The following SFXN5 variants were observed in gnomAD, a reference collection of about 807,000 sequenced individuals.
SFXN5 encodes sideroflexin 5.
In SFXN5, 43 loss-of-function variants were observed where a neutral mutation model predicts 50.2. The ratio of observed to expected loss-of-function variants is 0.86; its 90% confidence interval spans 0.67 to 1.11. The LOEUF (loss-of-function observed/expected upper bound fraction) is 1.11. Ranked by LOEUF, SFXN5 falls within the 50% of genes least tolerant of loss-of-function variation. The probability of loss-of-function intolerance (pLI) is 0.00; values close to 1 mark genes in which losing one functional copy is unlikely to be tolerated. For missense variants in SFXN5, 463 were observed against 454.1 expected (o/e 1.02, Z -0.18); for synonymous variants, 203 against 185.8 (o/e 1.09, Z -0.75).
At chr2:73,009,865 A>G (rs1335746693) in intron 6 of SFXN5, among the ~76,000 whole-genome samples, 1 of 152,150 alleles carries the variant, frequency 6.6e-6, no homozygotes, top group Non-Finnish European at 1.5e-5. Flanking sequence ...AGAGAGTGGA[A>G]ACGTATGGGG....
At chr2:72,996,061 G>T (rs1162425014) in intron 9 of SFXN5, among the ~76,000 whole-genome samples, 1 of 152,174 alleles carries the variant, frequency 6.6e-6, no homozygotes, top group East Asian at 1.9e-4. Context: ...AAGCCATGGT[G>T]CCCGTCCCTG....
Position 73,000,491 on chromosome 2 carries a change from A to G in SFXN5, c.412-4T>C, listed in dbSNP as rs1228673427. 7 of 1,557,568 alleles carry G rather than the reference A, an allele frequency of 4.5e-6. No individual in the cohort carries two copies. In the African/African-American group the frequency reaches 6.8e-5, roughly 15 times the overall value. On this transcript the variant is annotated splice_region_variant and splice_polypyrimidine_tract_variant and intron_variant, in intron 7 of 13. Transcript: ENST00000272433. ...CATTGTGGCTCTGGTTCAGCCACTG[A>G]AAGGCAATGATGAGAGAAGTCAGGG...
At chr2:73,062,223 G>A (rs1682862509) in intron 1 of SFXN5, among the ~76,000 whole-genome samples, 1 of 152,138 alleles carries the variant, frequency 6.6e-6, no homozygotes, top group Non-Finnish European at 1.5e-5. Flanking sequence ...ATCCTCCCTG[G>A]CTCGAAGTCT....
intron 1 of SFXN5, 101 bp downstream of exon 1, chr2:73,071,503 C>G (rs936291522): frequency 4.5e-6 from 5 of 1,108,394 alleles, no homozygotes; most frequent in Non-Finnish European, 6.4e-6. Flanking sequence ...GCTCCGCTGG[C>G]CGCGGGTGGG....
intron 6 of SFXN5, among the ~76,000 whole-genome samples, chr2:73,010,736 C>A (rs1347598720): frequency 6.6e-6 from 1 of 152,182 alleles, no homozygotes; most frequent in Non-Finnish European, 1.5e-5. Flanking sequence ...CAAAAGAACA[C>A]ATTTTTTAAA....
chr2:72,969,971 C>T (rs1316346144), intron 11 of SFXN5, among the ~76,000 whole-genome samples: 4 of 152,118 alleles, frequency 2.6e-5, no homozygotes, highest in East Asian at 1.9e-4. Flanking sequence ...TTTAGCCCCA[C>T]GAGCTTCAGC....
rs111374830 is a variant in SFXN5, at chr2:72,960,389, C to T, written c.945+742G>A. On this transcript the variant is annotated intron_variant, in intron 13 of 13. Coordinates refer to ENST00000272433, the MANE Select transcript of SFXN5 (RefSeq NM_144579.3). This position sits in a 1 kb window ranked among gnomAD's most constrained non-coding sequence, Gnocchi z 6.1. ...CCACATACAGCTCTTCATCGAATCC[C>T]GAAGAAGCCGCCTCCTGACTCCCTC... Among the ~76,000 whole-genome samples the T allele has an allele frequency of 0.028, 4,211 of 152,154 alleles. 188 individuals are homozygous for T. Among genetic ancestry groups the T allele is most frequent in the African/African-American group, 0.097 (4,010 of 41,468 alleles).
chr2:73,046,414 A>T (rs1303448497), intron 2 of SFXN5, among the ~76,000 whole-genome samples: 1 of 151,992 alleles, frequency 6.6e-6, no homozygotes, highest in Admixed American at 6.6e-5. Flanking sequence ...ATCTCAAAAA[A>T]AAAAAAAAAA....
chr2:73,071,643 A>T lies in SFXN5; in HGVS notation c.63T>A (p.Asp21Glu), dbSNP rs778702736. 3.7e-6 allele frequency: 6 copies of T among 1,613,790 alleles called. No homozygotes were observed. The highest frequency in any genetic ancestry group is 5.1e-6 in the Non-Finnish European group (6 of 1,179,920). ...GTTTGCCCAGTTGGAAAGGAGGTGC[A>T]TCGCTCGAGGCGCTAGCGGCACTAG... ...AAASAASASS[D>E]APPFQLGKPR... Residue 21 changes from aspartate to glutamate, a missense_variant, in exon 1 of 14, where the codon GAT (aspartate) becomes GAA (glutamate). Asp to Glu is a conservative substitution (Grantham distance 45). Coordinates refer to ENST00000272433, the MANE Select transcript of SFXN5 (RefSeq NM_144579.3).
At chr2:72,991,666 G>A (rs1367552989) in intron 9 of SFXN5, among the ~76,000 whole-genome samples, 1 of 152,230 alleles carries the variant, frequency 6.6e-6, no homozygotes, top group Non-Finnish European at 1.5e-5. Flanking sequence ...CGTCTGTTCT[G>A]GTTCCTCAGG....
rs370748524 is a variant in SFXN5 at position 73,007,949 on chromosome 2, C to T, written c.358-6371G>A. On this transcript the variant is annotated intron_variant, in intron 6 of 13. Transcript: ENST00000272433. ...TCTAGCTTCACTGGAGCGACACCTC[C>T]TGTGTGGTGAGCTAGGTCAACATGG... Among the ~76,000 whole-genome samples the T allele has an allele frequency of 3.5e-4, 53 of 152,336 alleles. No homozygotes were observed. The East Asian group carries it at 9.6e-3, about 28-fold the overall frequency.
At chr2:73,063,074 G>A (rs1405661154) in intron 1 of SFXN5, among the ~76,000 whole-genome samples, 1 of 152,210 alleles carries the variant, frequency 6.6e-6, no homozygotes, top group Non-Finnish European at 1.5e-5. Flanking sequence ...TTTCTAGTGA[G>A]ACATGAATGT....
In SFXN5 at chr2:72,944,886, G is replaced by A. The variant is rs1175283321; in HGVS notation, c.*136C>T. On this transcript the variant is annotated 3_prime_UTR_variant, in exon 14 of 14. Coordinates refer to ENST00000272433, the MANE Select transcript of SFXN5 (RefSeq NM_144579.3). ...AATGGGTCAGTCTCCCTCCACTGTA[G>A]GTTGAGCACTCTCCCAGGGGGCCCA... is the stretch of plus-strand genomic sequence containing the variant. 8.6e-6 allele frequency: 6 copies of A among 694,616 alleles called. No homozygotes were observed. The East Asian group carries it at 1.1e-4, about 13-fold the overall frequency. The allele number at this position is 694,616 out of a possible 1,614,324, so 43.0% of individuals were successfully genotyped here.
At chr2:73,009,072 C>T (rs191557617) in intron 6 of SFXN5, among the ~76,000 whole-genome samples, 43 of 152,328 alleles carry the variant, frequency 2.8e-4, no homozygotes, top group Admixed American at 2.0e-3. Context: ...CAGCCTTACT[C>T]GCCCCTTCCC....
intron 6 of SFXN5, among the ~76,000 whole-genome samples, chr2:73,004,894 TA>T (rs1463782144): frequency 6.6e-6 from 1 of 152,168 alleles, no homozygotes; most frequent in African/African-American, 2.4e-5. Context: ...AAGTCTAAAT[TA>T]AAAATAAATG....
Position 72,971,607 on chromosome 2 carries a change from C to T in SFXN5, c.704G>A (p.Gly235Asp). 6.2e-7 allele frequency: 1 copy of T among 1,613,990 alleles called. No individual in the cohort carries two copies. Among genetic ancestry groups the T allele is most frequent in the Non-Finnish European group, 8.5e-7 (1 of 1,179,944 alleles). ...GATCTTGGAGGAGCCCACGAGGTTG[C>T]CATCGCTGTCCAGGACATCAATCCC... ...EEGIDVLDSD[G>D]NLVGSSKIAA... Residue 235 changes from glycine (G) to aspartate (D), a missense_variant, in exon 11 of 14, where the codon GGC becomes GAC. By Grantham distance (94) the Gly-to-Asp change is moderately conservative. Coordinates refer to ENST00000272433, the MANE Select transcript of SFXN5 (RefSeq NM_144579.3).
chr2:73,011,130 T>C lies in SFXN5; in HGVS notation c.357+9109A>G, dbSNP rs570575687. ...GTGCAGTGGCACAATCAAAACTCAC[T>C]GAAGCCTCAAACTCCTCAGCTCAAG... On this transcript the variant is annotated intron_variant, in intron 6 of 13. Coordinates refer to ENST00000272433, the MANE Select transcript of SFXN5 (RefSeq NM_144579.3). Among the ~76,000 whole-genome samples, 5 of 152,358 alleles carry C rather than the reference T, an allele frequency of 3.3e-5. No homozygotes were observed. The South Asian group carries it at 8.3e-4, about 25-fold the overall frequency.
intron 13 of SFXN5, among the ~76,000 whole-genome samples, chr2:72,955,737 A>G (rs1673021185): frequency 6.6e-6 from 1 of 152,216 alleles, no homozygotes; most frequent in Non-Finnish European, 1.5e-5. Context: ...GACCCTGCAC[A>G]TCTCCCTCAG....
At chr2:73,003,439 C>T (rs1674191381) in intron 6 of SFXN5, among the ~76,000 whole-genome samples, 1 of 152,220 alleles carries the variant, frequency 6.6e-6, no homozygotes, top group Non-Finnish European at 1.5e-5. Context: ...CTGCCCGTGA[C>T]ACCACAGGGT....
Sources: gnomAD v4.1 joint callset for allele counts (sites outside exome capture counted in the v4.1 genomes callset) on GRCh38, gnomAD v4.1.1 for gene constraint, Gnocchi (gnomAD v3.1) non-coding constraint, MANE v1.5 for transcripts, NCBI Gene and HGNC (gene_info 2026-07-23, HGNC 2026-07-21) for gene names.